CNBD1: variants seen among roughly 807,000 people sequenced by gnomAD.
CNBD1 encodes cyclic nucleotide-binding domain-containing protein 1.
In CNBD1, 71 loss-of-function variants were observed where a neutral mutation model predicts 54.4. The observed-to-expected ratio is 1.30, with a 90% CI of 1.08 to 1.59. CNBD1 has a LOEUF of 1.59. Among genes scored for constraint, CNBD1 ranks in the 40% most tolerant of loss-of-function variants. The pLI is 0.00. For synonymous variants in CNBD1, 182 were observed against 170.7 expected (o/e 1.07, Z -0.51); for missense variants, 659 against 518.0 (o/e 1.27, Z -2.64).
intron 6 of CNBD1, among the ~76,000 whole-genome samples, chr8:87,269,241 C>T (rs996757012): frequency 1.3e-5 from 2 of 151,866 alleles, no homozygotes; most frequent in Admixed American, 6.6e-5. Flanking sequence ...AGGTATATGG[C>T]TTTATTTCTG....
rs141023690 is a variant in CNBD1 at position 87,042,825 on chromosome 8, T to C, written c.431+103071T>C. Among the ~76,000 whole-genome samples the C allele has an allele frequency of 1.5e-3, 231 of 152,150 alleles. 1 individual carries two copies. The highest frequency in any genetic ancestry group is 0.01 in the Middle Eastern group (3 of 294). On this transcript the variant is annotated intron_variant, in intron 4 of 10. Coordinates refer to ENST00000518476, the MANE Select transcript of CNBD1 (RefSeq NM_173538.3). ...GTAGATTGTATTATAAATATGCTTG[T>C]TATATTTTTATAAATTCCTCTAAAT...
chr8:86,932,842 T>C (rs77455512), intron 3 of CNBD1, among the ~76,000 whole-genome samples: 2 of 152,132 alleles, frequency 1.3e-5, no homozygotes, highest in Admixed American at 6.5e-5. Context: ...GTTTTTTTTT[T>C]CTTCCCCGCC....
In CNBD1 at chr8:87,312,386, T is replaced by A. The variant is rs529007149; in HGVS notation, c.1042+25715T>A. ...TAGTTTGATCTCTGAATATTGCCAC[T>A]CTTGAATTTGTGTCAGTGGCATTTC... On this transcript the variant is annotated intron_variant, in intron 8 of 10. Coordinates refer to ENST00000518476, the MANE Select transcript of CNBD1 (RefSeq NM_173538.3). 3.3e-5 allele frequency among the ~76,000 whole-genome samples: 5 copies of A among 152,190 alleles called. No homozygotes were observed. The South Asian group carries it at 1.0e-3, about 32-fold the overall frequency.
intron 4 of CNBD1, among the ~76,000 whole-genome samples, chr8:86,987,651 C>T (rs532065109): frequency 4.6e-5 from 7 of 152,112 alleles, no homozygotes; most frequent in Non-Finnish European, 1.0e-4. Context: ...TCATAGATGG[C>T]TCTTATTATT....
chr8:87,319,909 C>G (rs1004902138), intron 8 of CNBD1, among the ~76,000 whole-genome samples: 1 of 151,926 alleles, frequency 6.6e-6, no homozygotes, highest in Non-Finnish European at 1.5e-5. Flanking sequence ...GTCCTAAGTT[C>G]TTGATGTTTT....
intron 4 of CNBD1, among the ~76,000 whole-genome samples, chr8:87,096,160 A>T (rs1195971959): frequency 2.0e-5 from 3 of 152,200 alleles, no homozygotes; most frequent in Admixed American, 2.0e-4. Context: ...GGGCTGCCAC[A>T]ACAAATACCA....
intron 4 of CNBD1, among the ~76,000 whole-genome samples, chr8:87,091,896 T>G (rs1294216214): frequency 2.6e-5 from 4 of 152,176 alleles, no homozygotes; most frequent in African/African-American, 9.7e-5. Context: ...TAAGTATACC[T>G]ATAAATATGC....
intron 8 of CNBD1, among the ~76,000 whole-genome samples, chr8:87,343,945 A>G (rs1318785475): frequency 6.6e-6 from 1 of 152,106 alleles, no homozygotes; most frequent in East Asian, 1.9e-4. Flanking sequence ...CTTGATACAT[A>G]TTATAAATTA....
rs1272931227 is a variant in CNBD1 at position 87,310,612 on chromosome 8, C to A, written c.1042+23941C>A. Among the ~76,000 whole-genome samples the A allele has an allele frequency of 2.0e-5, 3 of 152,164 alleles. No individual in the cohort carries two copies. In the East Asian group the frequency reaches 5.8e-4, roughly 29 times the overall value. The stretch of plus-strand genomic sequence containing the variant: ...CTATCAAATGACCAATGTCATTTTT[C>A]ACATAATTTGAAATAAGCGATTCTA... On this transcript the variant is annotated intron_variant, in intron 8 of 10. Transcript: ENST00000518476.
Position 87,397,977 on chromosome 8 carries a change from T to C in CNBD1, c.214-30569T>C, listed in dbSNP as rs556262019. Among the ~76,000 whole-genome samples, 55 of 152,116 alleles carry C rather than the reference T, an allele frequency of 3.6e-4. No homozygotes were observed. The East Asian group carries it at 0.01, about 28-fold the overall frequency. On this transcript the variant is annotated intron_variant, in intron 2 of 7. Coordinates refer to the CNBD1 transcript ENST00000521593. ...TCCTCCTTCCCTTCTGCCATGATTA[T>C]GAGGCCTCCCCAGCCATGTGGAACT...
chr8:87,043,618 T>C (rs1810119764), intron 4 of CNBD1, among the ~76,000 whole-genome samples: 1 of 152,212 alleles, frequency 6.6e-6, no homozygotes, highest in Non-Finnish European at 1.5e-5. Flanking sequence ...ACAGCTCTGC[T>C]ATATGCTCAT....
At chr8:87,021,577 A>G (rs1207123204) in intron 4 of CNBD1, among the ~76,000 whole-genome samples, 1 of 152,226 alleles carries the variant, frequency 6.6e-6, no homozygotes, top group African/African-American at 2.4e-5. Context: ...GTTCTCAGCT[A>G]TGGACTAAGT....
chr8:87,252,858 T>A (rs760451502), intron 6 of CNBD1, among the ~76,000 whole-genome samples: 2 of 152,080 alleles, frequency 1.3e-5, no homozygotes, highest in African/African-American at 2.4e-5. Flanking sequence ...TGGCCAAATA[T>A]GCCTACTGAG....
intron 4 of CNBD1, among the ~76,000 whole-genome samples, chr8:87,174,240 G>A (rs889524691): frequency 1.3e-5 from 2 of 152,048 alleles, no homozygotes; most frequent in Admixed American, 6.6e-5. Context: ...TTACAGACGT[G>A]AGCCACCACG....
At chr8:87,187,599 A>C (rs2130782966) in intron 4 of CNBD1, among the ~76,000 whole-genome samples, 1 of 152,260 alleles carries the variant, frequency 6.6e-6, no homozygotes, top group South Asian at 2.1e-4. Flanking sequence ...ATCCTGACAA[A>C]GAAAGCCCCT....
chr8:86,986,128 C>A (rs1244355284), intron 4 of CNBD1, among the ~76,000 whole-genome samples: 1 of 152,014 alleles, frequency 6.6e-6, no homozygotes, highest in East Asian at 1.9e-4. Context: ...TAGGGTTTCA[C>A]CATGTTGGCT....
chr8:87,126,919 G>A (rs1366976965), intron 4 of CNBD1, among the ~76,000 whole-genome samples: 2 of 151,716 alleles, frequency 1.3e-5, no homozygotes. Flanking sequence ...AATTGCCTTT[G>A]CATCTTTGTA....
chr8:87,178,515 G>A (rs942858211), intron 4 of CNBD1, among the ~76,000 whole-genome samples: 3 of 152,170 alleles, frequency 2.0e-5, no homozygotes, highest in African/African-American at 4.8e-5. Context: ...TGGAAAAGTG[G>A]GAAAGCTTTA....
downstream of CNBD1, among the ~76,000 whole-genome samples, chr8:87,385,802 A>G (rs1811171041): frequency 6.6e-6 from 1 of 152,142 alleles, no homozygotes; most frequent in Admixed American, 6.5e-5. Flanking sequence ...GAGATCTGAG[A>G]ACGGACAGAC....
Sources: allele counts gnomAD v4.1 joint callset (sites outside exome capture counted in the v4.1 genomes callset), GRCh38; gene constraint gnomAD v4.1.1; transcripts MANE v1.5; gene names NCBI Gene and HGNC (gene_info 2026-07-23, HGNC 2026-07-21).